Variants in BCAS3 observed in about 807,000 individuals in gnomAD.
BCAS3 encodes BCAS4/BCAS3 fusion.
In BCAS3, 53 loss-of-function variants were observed where a neutral mutation model predicts 116.1. That is an observed-to-expected ratio of 0.46 (90% CI 0.37 to 0.57). BCAS3 has a LOEUF of 0.57. BCAS3 is among the 20% of genes least tolerant of loss of function. The pLI, the probability that BCAS3 is intolerant of heterozygous loss-of-function variation, is 0.00. For missense variants in BCAS3, 917 were observed against 1,165.4 expected (o/e 0.79, Z 3.10); for synonymous variants, 391 against 408.2 (o/e 0.96, Z 0.51).
At position 61,309,339 on chromosome 17, in the gene BCAS3, C is replaced by G. The variant is rs1235308596; in HGVS notation, c.2426-58988C>G. ...TAAGGGCTGGTGGAGAGGCGGTGTC[C>G]ATTTTTTGACGGAACTGGTATGGGC... On this transcript the variant is annotated intron_variant, in intron 22 of 23. Transcript: ENST00000407086. The surrounding 1 kb of genome is among the most constrained non-coding windows in gnomAD (Gnocchi z 4.6). 6.6e-6 allele frequency among the ~76,000 whole-genome samples: 1 copy of G among 152,058 alleles called. No individual in the cohort carries two copies. The highest frequency in any genetic ancestry group is 1.5e-5 in the Non-Finnish European group (1 of 68,002).
At position 61,337,755 on chromosome 17, in the gene BCAS3, A is replaced by G. The variant is rs2143192444; in HGVS notation, c.2426-30572A>G. On this transcript the variant is annotated intron_variant, in intron 22 of 23. Coordinates refer to ENST00000407086, the MANE Select transcript of BCAS3 (RefSeq NM_017679.5). The surrounding 1 kb of genome is among the most constrained non-coding windows in gnomAD (Gnocchi z 4.8). Reference sequence around the variant, plus strand: ...CTCCTCTAGCCTTAAAGTGTCCACTAGGTTCTTGGCTGAAACCTTTCAGCA... The same window carrying G: ...CTCCTCTAGCCTTAAAGTGTCCACTGGGTTCTTGGCTGAAACCTTTCAGCA... Among the ~76,000 whole-genome samples the G allele has an allele frequency of 1.3e-5, 2 of 152,164 alleles. No individual in the cohort carries two copies. Among genetic ancestry groups the G allele is most frequent in the Non-Finnish European group, 2.9e-5 (2 of 67,994 alleles).
chr17:60,813,167 C>A (rs1481727088), intron 7 of BCAS3, among the ~76,000 whole-genome samples: 3 of 152,060 alleles, frequency 2.0e-5, no homozygotes, highest in Non-Finnish European at 4.4e-5. Flanking sequence ...TACTGTTTGT[C>A]ATTATGGAGG....
intron 18 of BCAS3, among the ~76,000 whole-genome samples, chr17:61,039,719 C>T (rs552535647): frequency 6.6e-6 from 1 of 152,206 alleles, no homozygotes; most frequent in South Asian, 2.1e-4. Flanking sequence ...CCGCGCCGGC[C>T]CATGAACATA....
rs1191355713 is a variant in BCAS3, at chr17:61,051,974, A to T, written c.2029+11082A>T. Among the ~76,000 whole-genome samples the T allele has an allele frequency of 1.3e-5, 2 of 152,202 alleles. No homozygotes were observed. Among genetic ancestry groups the T allele is most frequent in the African/African-American group, 4.8e-5 (2 of 41,454 alleles). ...AGGAAAAAAGGAAAAAGATCAGAGT[A>T]TAAAATCAGTGAAACAGAAAACATA... On this transcript the variant is annotated intron_variant, in intron 19 of 23. Transcript: ENST00000407086. The surrounding 1 kb of genome is among the most constrained non-coding windows in gnomAD (Gnocchi z 4.1).
In BCAS3 at chr17:61,106,749, A is replaced by G. The variant is rs1452944343; in HGVS notation, c.2425+22185A>G. On this transcript the variant is annotated intron_variant, in intron 22 of 23. Coordinates refer to ENST00000407086, the MANE Select transcript of BCAS3 (RefSeq NM_017679.5). The surrounding 1 kb of genome is among the most constrained non-coding windows in gnomAD (Gnocchi z 4.2). ...CAAGTCATTAAATATTTTTGAAGAC[A>G]TAGATATTTTAATGGTGGCTGGATC... Among the ~76,000 whole-genome samples the G allele has an allele frequency of 6.6e-6, 1 of 152,234 alleles. No homozygotes were observed. The highest frequency in any genetic ancestry group is 3.2e-3 in the Middle Eastern group (1 of 316).
chr17:60,976,453 GTATT>G (rs1322851950), intron 14 of BCAS3, among the ~76,000 whole-genome samples: 2 of 148,572 alleles, frequency 1.3e-5, no homozygotes, highest in East Asian at 2.0e-4. Context: ...TTTTTTTTTA[GTATT>G]TATTGATCAT....
intron 22 of BCAS3, among the ~76,000 whole-genome samples, chr17:61,193,067 C>T (rs1050047913): frequency 5.9e-5 from 9 of 151,816 alleles, no homozygotes; most frequent in African/African-American, 1.7e-4. Context: ...TTCAAGACCA[C>T]GCTGGCCAAC....
At chr17:61,298,861 C>G (rs916090298) in intron 22 of BCAS3, among the ~76,000 whole-genome samples, 3 of 151,422 alleles carry the variant, frequency 2.0e-5, no homozygotes, top group African/African-American at 7.3e-5. Context: ...CTTGCCCTGT[C>G]GCCTAGGCTG....
rs180761790 is a variant in BCAS3, at chr17:61,309,016, G to A, written c.2426-59311G>A. Among the ~76,000 whole-genome samples the A allele has an allele frequency of 3.4e-4, 52 of 152,262 alleles. 1 individual carries two copies. Among genetic ancestry groups the A allele is most frequent in the Non-Finnish European group, 5.3e-4 (36 of 68,026 alleles). ...AGCCATGTGGCCTCCCCCAGCAGAG[G>A]CTTTGAGGACCTATCTGTCCCCTCC... On this transcript the variant is annotated intron_variant, in intron 22 of 23. Transcript: ENST00000407086. The surrounding 1 kb of genome is among the most constrained non-coding windows in gnomAD (Gnocchi z 4.6).
chr17:60,937,306 G>C (rs2059988661), intron 13 of BCAS3, among the ~76,000 whole-genome samples: 1 of 151,480 alleles, frequency 6.6e-6, no homozygotes, highest in African/African-American at 2.4e-5. Flanking sequence ...CTTCCATGGG[G>C]GTGGGGTGGC....
intron 22 of BCAS3, among the ~76,000 whole-genome samples, chr17:61,191,780 AAAAAGAAAAG>A (rs59158121): frequency 7.5e-5 from 11 of 145,728 alleles, no homozygotes; most frequent in South Asian, 2.2e-4. Flanking sequence ...GTCTCAAAAA[AAAAAGAAAAG>A]AAAAGAAAAG....
chr17:60,699,849 C>A lies in BCAS3; in HGVS notation c.215-9370C>A, dbSNP rs550831670. Among the ~76,000 whole-genome samples, 10 of 130,448 alleles carry A rather than the reference C, an allele frequency of 7.7e-5. No homozygotes were observed. The South Asian group carries it at 1.7e-3, about 22-fold the overall frequency. 85.6% of individuals were successfully genotyped at this position (130,448 alleles called of 152,430 possible). On this transcript the variant is annotated intron_variant, in intron 4 of 23. Transcript: ENST00000407086. ...CTGCACTCCAGCCTGGGCGACAGAG[C>A]AAGACTCCGTCTCAAAAAAAAAAAA...
rs2058651007 is a variant in BCAS3, at chr17:61,364,992, T to C, written c.2426-3335T>C. Among the ~76,000 whole-genome samples, 1 of 152,218 alleles carries C rather than the reference T, an allele frequency of 6.6e-6. No homozygotes were observed. The highest frequency in any genetic ancestry group is 2.4e-5 in the African/African-American group (1 of 41,446). On this transcript the variant is annotated intron_variant, in intron 22 of 23. Coordinates refer to ENST00000407086, the MANE Select transcript of BCAS3 (RefSeq NM_017679.5). The surrounding 1 kb of genome is among the most constrained non-coding windows in gnomAD (Gnocchi z 5.4). ...ATATTTGTCATTAAGAACATATACA[T>C]GAACACACCTATTACATACAGAACA...
At chr17:61,210,086 C>T (rs2081367621) in intron 22 of BCAS3, among the ~76,000 whole-genome samples, 1 of 152,180 alleles carries the variant, frequency 6.6e-6, no homozygotes, top group Non-Finnish European at 1.5e-5. Context: ...TTTAATTAGA[C>T]ACGAAGTTCA....
Position 61,380,667 on chromosome 17 carries a change from C to A in BCAS3, c.2594-11310C>A, listed in dbSNP as rs546635090. ...GCCCTCCTACCCCCTCGTGCCCAGG[C>A]CCAGGAGCACTCTAGGGAGGGCAGG... On this transcript the variant is annotated intron_variant, in intron 23 of 23. Transcript: ENST00000407086. The surrounding 1 kb of genome is among the most constrained non-coding windows in gnomAD (Gnocchi z 4.2). 3 of 1,150,734 alleles carry A rather than the reference C, an allele frequency of 2.6e-6. No individual in the cohort carries two copies. The African/African-American group carries it at 4.6e-5, about 18-fold the overall frequency. 71.3% of individuals were successfully genotyped at this position (1,150,734 alleles called of 1,614,324 possible).
intron 19 of BCAS3, among the ~76,000 whole-genome samples, chr17:61,045,905 A>T (rs1474206670): frequency 3.2e-5 from 1 of 31,192 alleles, no homozygotes; most frequent in Non-Finnish European, 4.4e-5. Flanking sequence ...ATATATATAA[A>T]TATATATTTA....
chr17:61,099,622 A>G (rs1445835997), intron 22 of BCAS3, among the ~76,000 whole-genome samples: 2 of 152,248 alleles, frequency 1.3e-5, no homozygotes, highest in African/African-American at 4.8e-5. Flanking sequence ...TTTAAACAGA[A>G]TATTTCTTTG....
At chr17:61,014,268 C>G (rs2065296296) in intron 15 of BCAS3, among the ~76,000 whole-genome samples, 1 of 151,962 alleles carries the variant, frequency 6.6e-6, no homozygotes, top group Admixed American at 6.6e-5. Flanking sequence ...TTCCGTAACA[C>G]AGAAAATGAG....
intron 22 of BCAS3, among the ~76,000 whole-genome samples, chr17:61,329,326 T>G (rs2056015674): frequency 1.6e-5 from 2 of 124,420 alleles, no homozygotes. Flanking sequence ...CCAGGCCATG[T>G]TATTATTATT....
Sources: allele counts gnomAD v4.1 joint callset (sites outside exome capture counted in the v4.1 genomes callset), GRCh38; gene constraint gnomAD v4.1.1; non-coding constraint Gnocchi (gnomAD v3.1); transcripts MANE v1.5; gene names NCBI Gene and HGNC (gene_info 2026-07-23, HGNC 2026-07-21).